Variants in PDZD2 observed in about 807,000 individuals in gnomAD.
PDZD2 encodes PDZ domain-containing protein 2.
In PDZD2, 90 loss-of-function variants were observed where a neutral mutation model predicts 220.7. The observed-to-expected ratio is 0.41, with a 90% CI of 0.34 to 0.49. The LOEUF (loss-of-function observed/expected upper bound fraction) is 0.49, where lower values mean the gene tolerates loss of function less well. Among genes scored for constraint, PDZD2 ranks in the 20% least tolerant of loss-of-function variants. The pLI is 0.28. For missense variants in PDZD2, 3,174 were observed against 3,608.5 expected (o/e 0.88, Z 3.08); for synonymous variants, 1,375 against 1,450.5 (o/e 0.95, Z 1.18).
intron 2 of PDZD2, chr5:31,908,577 C>A: frequency 1.0e-6 from 1 of 978,390 alleles, no homozygotes; most frequent in Non-Finnish European, 1.6e-6. Flanking sequence ...CTGTCATGAA[C>A]CATCACTTTC....
intron 2 of PDZD2, among the ~76,000 whole-genome samples, chr5:31,903,973 C>T (rs1742390794): frequency 2.0e-5 from 3 of 151,356 alleles, no homozygotes; most frequent in Non-Finnish European, 4.4e-5. Flanking sequence ...ATCTGCCTGT[C>T]TCAGCCTCCC....
At chr5:31,981,706 G>T (rs1327263720) in intron 2 of PDZD2, among the ~76,000 whole-genome samples, 1 of 152,184 alleles carries the variant, frequency 6.6e-6, no homozygotes, top group Non-Finnish European at 1.5e-5. Flanking sequence ...TTTTGCTTGG[G>T]AACGAGTGAT....
intron 2 of PDZD2, among the ~76,000 whole-genome samples, chr5:31,870,495 G>A (rs1738687966): frequency 6.6e-6 from 1 of 152,186 alleles, no homozygotes; most frequent in Non-Finnish European, 1.5e-5. Flanking sequence ...AAGGAAGAGG[G>A]TGGTTTAAAA....
At chr5:31,923,665 C>T in intron 2 of PDZD2, 1 of 669,964 alleles carries the variant, frequency 1.5e-6, no homozygotes, top group Non-Finnish European at 2.8e-6. Flanking sequence ...ACAGATGAAC[C>T]TGTAGCAGAG....
intron 2 of PDZD2, among the ~76,000 whole-genome samples, chr5:31,823,366 G>A (rs550315361): frequency 7.2e-5 from 11 of 152,060 alleles, no homozygotes; most frequent in Non-Finnish European, 1.5e-4. Flanking sequence ...TACTTGGGAG[G>A]CTGAGGCACA....
chr5:32,053,941 C>T (rs1277965144), intron 10 of PDZD2, 58 bp downstream of exon 10: 14 of 985,448 alleles, frequency 1.4e-5, no homozygotes, highest in Non-Finnish European at 2.0e-5. Flanking sequence ...TGAGAATCTG[C>T]CTCTTCACAA....
intron 2 of PDZD2, chr5:31,822,499 C>T (rs1384134123): frequency 3.9e-6 from 2 of 512,780 alleles, no homozygotes; most frequent in East Asian, 5.0e-5. Flanking sequence ...TTAAATATCA[C>T]ATATAGGTCT....
intron 2 of PDZD2, among the ~76,000 whole-genome samples, chr5:31,863,713 C>T (rs1737933253): frequency 6.6e-6 from 1 of 152,092 alleles, no homozygotes; most frequent in Non-Finnish European, 1.5e-5. Flanking sequence ...ACTTGTCAGT[C>T]CCTCTGTAAG....
intron 2 of PDZD2, among the ~76,000 whole-genome samples, chr5:31,820,073 C>T (rs10085099): frequency 0.53 from 80,085 of 152,078 alleles, 21,765 homozygotes; most frequent in Non-Finnish European, 0.61. Context: ...CAATGCGGTG[C>T]CTCCCCAAGC....
intron 1 of PDZD2, among the ~76,000 whole-genome samples, chr5:31,782,912 C>A (rs1409940532): frequency 6.6e-6 from 1 of 151,860 alleles, no homozygotes; most frequent in Non-Finnish European, 1.5e-5. Context: ...CGGGGTTTCA[C>A]CATGTTGGCC....
At chr5:32,084,782 T>G (rs1213127808) in intron 19 of PDZD2, among the ~76,000 whole-genome samples, 3 of 152,040 alleles carry the variant, frequency 2.0e-5, no homozygotes, top group African/African-American at 7.2e-5. Context: ...GGTGGAAGAT[T>G]AGCCCAAGAC....
At chr5:31,881,423 G>C in intron 2 of PDZD2, among the ~76,000 whole-genome samples, 1 of 148,806 alleles carries the variant, frequency 6.7e-6, no homozygotes, top group East Asian at 2.0e-4. Flanking sequence ...CCAGGCTGGA[G>C]TTGGAGTGCA....
intron 1 of PDZD2, among the ~76,000 whole-genome samples, chr5:31,735,839 G>T (rs1749827510): frequency 6.6e-6 from 1 of 152,158 alleles, no homozygotes; most frequent in South Asian, 2.1e-4. Context: ...CAGCTACTCG[G>T]GAGGCTGAGG....
At chr5:31,758,392 C>CG (rs912579960) in intron 1 of PDZD2, among the ~76,000 whole-genome samples, 30 of 152,146 alleles carry the variant, frequency 2.0e-4, no homozygotes, top group African/African-American at 7.2e-4. Flanking sequence ...CCATGAAGGG[C>CG]GCCCCAGAGC....
chr5:31,977,212 C>T (rs78304213), intron 2 of PDZD2, among the ~76,000 whole-genome samples: 33,324 of 151,928 alleles, frequency 0.22, 3,809 homozygotes, highest in Middle Eastern at 0.31. Flanking sequence ...TGGCAGTACC[C>T]GCCATGGGTT....
intron 1 of PDZD2, among the ~76,000 whole-genome samples, chr5:31,736,871 G>A (rs150764734): frequency 8.4e-4 from 128 of 152,194 alleles, no homozygotes; most frequent in African/African-American, 1.9e-3. Flanking sequence ...GAGATCTGGT[G>A]GTTTAAATGT....
chr5:31,860,486 C>G (rs1291509762), intron 2 of PDZD2, among the ~76,000 whole-genome samples: 1 of 152,148 alleles, frequency 6.6e-6, no homozygotes, highest in Non-Finnish European at 1.5e-5. Context: ...CTTTGAGAGG[C>G]TAGCAATCCT....
At chr5:31,709,231 T>C (rs1266693403) in intron 1 of PDZD2, among the ~76,000 whole-genome samples, 1 of 152,106 alleles carries the variant, frequency 6.6e-6, no homozygotes, top group African/African-American at 2.4e-5. Flanking sequence ...CCAGTTGCTG[T>C]GGCTTAGCAC....
At chr5:31,842,230 T>A (rs1304439938) in intron 2 of PDZD2, among the ~76,000 whole-genome samples, 1 of 152,238 alleles carries the variant, frequency 6.6e-6, no homozygotes, top group Non-Finnish European at 1.5e-5. Context: ...CAAGTTAGAA[T>A]CCTGAACCTA....
Sources: gnomAD v4.1 joint callset for allele counts (sites outside exome capture counted in the v4.1 genomes callset) on GRCh38, gnomAD v4.1.1 for gene constraint, MANE v1.5 for transcripts, NCBI Gene and HGNC (gene_info 2026-07-23, HGNC 2026-07-21) for gene names.